The following SUGCT variants were observed in gnomAD, a reference collection of about 807,000 sequenced individuals.
SUGCT encodes the protein succinyl-CoA:glutarate CoA-transferase.
A neutral mutation model predicts 55.0 loss-of-function variants in SUGCT; 41 were observed. That is an observed-to-expected ratio of 0.74 (90% CI 0.58 to 0.97). The LOEUF (loss-of-function observed/expected upper bound fraction) is 0.97, where lower values mean the gene tolerates loss of function less well. Ranked by LOEUF, SUGCT falls within the 50% of genes least tolerant of loss-of-function variation. SUGCT has a pLI of 0.00. For missense variants in SUGCT, 568 were observed against 547.8 expected, an observed-to-expected ratio of 1.04 and a Z score of -0.37; for synonymous variants, 187 against 200.4, an observed-to-expected ratio of 0.93 and a Z score of 0.56.
intron 5 of SUGCT, 92 bp from the exon 6 acceptor site, chr7:40,194,848 T>C: frequency 1.4e-6 from 2 of 1,425,954 alleles, no homozygotes; most frequent in Non-Finnish European, 1.9e-6. Flanking sequence ...TCTGAGCTAT[T>C]ACAAAGGGAG....
chr7:40,192,969 G>GTT (rs1199959991), intron 5 of SUGCT, among the ~76,000 whole-genome samples: 18 of 138,074 alleles, frequency 1.3e-4, no homozygotes, highest in South Asian at 2.2e-4. Context: ...TTGTAGTAGT[G>GTT]TTTTTTTTTT....
the SUGCT span, among the ~76,000 whole-genome samples, chr7:41,011,197 A>T: frequency 6.6e-6 from 1 of 152,154 alleles, no homozygotes; most frequent in African/African-American, 2.4e-5. Context: ...AGAGGAAGGA[A>T]GTCCAGCCAT....
At position 40,382,060 on chromosome 7, in the gene SUGCT, T is replaced by C. The variant is rs149053599; in HGVS notation, c.816+65205T>C. Reference sequence around the variant, plus strand: ...AACTCTAGGAATTTCTTGAGTGTGGTATATGGATTTTTACTAAACAGCGCT... The same window carrying C: ...AACTCTAGGAATTTCTTGAGTGTGGCATATGGATTTTTACTAAACAGCGCT... On this transcript the variant is annotated intron_variant, in intron 9 of 13. Coordinates refer to ENST00000335693, the MANE Select transcript of SUGCT (RefSeq NM_001193313.2). Among the ~76,000 whole-genome samples, 21 of 152,088 alleles carry C rather than the reference T, an allele frequency of 1.4e-4. No individual in the cohort carries two copies. The East Asian group carries it at 3.9e-3, about 28-fold the overall frequency.
intron 7 of SUGCT, among the ~76,000 whole-genome samples, chr7:40,242,613 T>A: frequency 6.6e-6 from 1 of 151,900 alleles, no homozygotes; most frequent in Admixed American, 6.6e-5. Flanking sequence ...TGCAGAATGA[T>A]CCTGATGTCT....
At chr7:40,350,492 T>C (rs10951635) in intron 9 of SUGCT, among the ~76,000 whole-genome samples, 89,391 of 149,808 alleles carry the variant, frequency 0.6, 26,958 homozygotes, top group South Asian at 0.71. Context: ...TTTTTTTTTT[T>C]TTCTTCTTTT....
the SUGCT span, among the ~76,000 whole-genome samples, chr7:41,020,787 A>T: frequency 6.6e-6 from 1 of 152,192 alleles, no homozygotes; most frequent in African/African-American, 2.4e-5. Flanking sequence ...AAGTCATAAG[A>T]CCGTAACAGT....
At chr7:40,516,629 C>T (rs561482742) in intron 12 of SUGCT, among the ~76,000 whole-genome samples, 3 of 151,928 alleles carry the variant, frequency 2.0e-5, no homozygotes, top group Non-Finnish European at 4.4e-5. Context: ...GTTCTGGCAC[C>T]CTTGTTGAAA....
At chr7:40,398,515 CTT>C (rs138325012) in intron 9 of SUGCT, among the ~76,000 whole-genome samples, 70,930 of 131,208 alleles carry the variant, frequency 0.54, 17,528 homozygotes, top group South Asian at 0.63. Flanking sequence ...ACTTTACTGG[CTT>C]TTTTTTTTTT....
At chr7:40,153,133 AAAG>A in intron 1 of SUGCT, 1 of 201,224 alleles carries the variant, frequency 5.0e-6, no homozygotes, top group Non-Finnish European at 1.0e-5. Flanking sequence ...ATGTTAAAAA[AAAG>A]AGTTCATTCA....
At chr7:40,646,363 A>C (rs775122744) in intron 12 of SUGCT, among the ~76,000 whole-genome samples, 2 of 152,222 alleles carry the variant, frequency 1.3e-5, no homozygotes, top group South Asian at 4.1e-4. Flanking sequence ...TTTTGTAAAA[A>C]TGTAATTTAA....
At chr7:40,326,822 G>A (rs1796048488) in intron 9 of SUGCT, among the ~76,000 whole-genome samples, 1 of 152,182 alleles carries the variant, frequency 6.6e-6, no homozygotes, top group South Asian at 2.1e-4. Context: ...AAGCCCACAA[G>A]ATGGGAACCT....
chr7:40,212,325 T>G (rs923420822), intron 6 of SUGCT, among the ~76,000 whole-genome samples: 2 of 142,676 alleles, frequency 1.4e-5, no homozygotes, highest in Non-Finnish European at 3.1e-5. Context: ...TTTGGGAAGC[T>G]GAGGCAAGAG....
chr7:40,782,120 A>G (rs1012550937), intron 13 of SUGCT, among the ~76,000 whole-genome samples: 1 of 152,056 alleles, frequency 6.6e-6, no homozygotes, highest in Non-Finnish European at 1.5e-5. Context: ...GAACAATGGG[A>G]AAAAGGCATA....
intron 12 of SUGCT, among the ~76,000 whole-genome samples, chr7:40,580,948 G>A (rs972922517): frequency 6.6e-6 from 1 of 152,130 alleles, no homozygotes; most frequent in Non-Finnish European, 1.5e-5. Context: ...TTTGCAAAAT[G>A]ATGAAATGCC....
chr7:40,196,134 T>C (rs1395621127), intron 6 of SUGCT, among the ~76,000 whole-genome samples: 1 of 152,194 alleles, frequency 6.6e-6, no homozygotes, highest in Non-Finnish European at 1.5e-5. Context: ...TTCCAATTGT[T>C]CAGCCCTTGC....
chr7:40,534,873 A>G (rs926147717), intron 12 of SUGCT, among the ~76,000 whole-genome samples: 2 of 152,222 alleles, frequency 1.3e-5, no homozygotes, highest in Non-Finnish European at 2.9e-5. Context: ...TTGTCTTAAC[A>G]TATGTTTATA....
intron 6 of SUGCT, among the ~76,000 whole-genome samples, chr7:40,216,744 C>A (rs1390491803): frequency 1.3e-5 from 2 of 151,442 alleles, no homozygotes; most frequent in African/African-American, 4.9e-5. Context: ...CCCAGCTACT[C>A]ACTTTGGGGG....
chr7:40,591,121 A>G (rs1293830836), intron 12 of SUGCT, among the ~76,000 whole-genome samples: 1 of 152,166 alleles, frequency 6.6e-6, no homozygotes, highest in African/African-American at 2.4e-5. Flanking sequence ...TGGGCAAAAG[A>G]AATTAAAAAC....
chr7:40,572,948 C>T (rs1237878123), intron 12 of SUGCT, among the ~76,000 whole-genome samples: 6 of 152,190 alleles, frequency 3.9e-5, no homozygotes, highest in Admixed American at 6.5e-5. Flanking sequence ...CTGTCCTCTG[C>T]GTTATTTGGA....
Sources: gnomAD v4.1 joint callset for allele counts (sites outside exome capture counted in the v4.1 genomes callset) on GRCh38, gnomAD v4.1.1 for gene constraint, MANE v1.5 for transcripts, NCBI Gene and HGNC (gene_info 2026-07-23, HGNC 2026-07-21) for gene names.